The following CCDC91 variants were observed in gnomAD, a reference collection of about 807,000 sequenced individuals.
CCDC91 encodes the protein coiled-coil domain containing 91, also known as coiled-coil domain-containing protein 91.
CCDC91 carries 48 observed loss-of-function variants against 63.2 expected under a neutral mutation model. The observed-to-expected ratio is 0.76, with a 90% confidence interval of 0.60 to 0.97. The LOEUF (loss-of-function observed/expected upper bound fraction) is 0.97. Ranked by LOEUF, CCDC91 falls within the 50% of genes least tolerant of loss-of-function variation. The pLI is 0.00. For synonymous variants in CCDC91, 167 were observed against 165.8 expected (o/e 1.01, Z -0.06); for missense variants, 500 against 494.6 (o/e 1.01, Z -0.10).
chr12:28,374,807 A>C (rs1944843979), intron 7 of CCDC91, among the ~76,000 whole-genome samples: 1 of 152,282 alleles, frequency 6.6e-6, no homozygotes, highest in East Asian at 1.9e-4. Flanking sequence ...CTCTGTGTTC[A>C]TACAACTTTA....
intron 6 of CCDC91, among the ~76,000 whole-genome samples, chr12:28,343,892 T>C (rs1253216820): frequency 1.3e-5 from 2 of 152,252 alleles, no homozygotes; most frequent in East Asian, 3.9e-4. Flanking sequence ...TTTAGGAAAA[T>C]TGACATTACT....
intron 8 of CCDC91, among the ~76,000 whole-genome samples, chr12:28,443,083 A>G (rs544491289): frequency 1.3e-5 from 2 of 152,076 alleles, no homozygotes; most frequent in East Asian, 3.9e-4. Context: ...TTGGAAGGAG[A>G]TGGAAATAGG....
chr12:28,261,725 C>T (rs561124645), intron 3 of CCDC91, among the ~76,000 whole-genome samples: 44 of 152,024 alleles, frequency 2.9e-4, no homozygotes, highest in African/African-American at 9.4e-4. Flanking sequence ...AATTCCTCTT[C>T]TCTAGGAGTG....
chr12:28,407,223 A>G (rs1443011661), intron 8 of CCDC91, among the ~76,000 whole-genome samples: 1 of 152,170 alleles, frequency 6.6e-6, no homozygotes, highest in East Asian at 1.9e-4. Flanking sequence ...CAGCCTGAAG[A>G]ACAGCGAGCC....
intron 1 of CCDC91, among the ~76,000 whole-genome samples, chr12:28,201,234 G>A (rs1591959910): frequency 1.3e-5 from 2 of 148,920 alleles, no homozygotes; most frequent in East Asian, 3.9e-4. Flanking sequence ...TTCTCAGACG[G>A]GGCGGCTGCA....
At chr12:28,216,647 TA>T (rs144953485) in intron 1 of CCDC91, among the ~76,000 whole-genome samples, 466 of 144,870 alleles carry the variant, frequency 3.2e-3, no homozygotes, top group African/African-American at 0.011. Flanking sequence ...TATAGTTATA[TA>T]TTTTTTATTC....
At chr12:28,202,047 T>G (rs1942491885) in intron 1 of CCDC91, among the ~76,000 whole-genome samples, 1 of 152,198 alleles carries the variant, frequency 6.6e-6, no homozygotes, top group South Asian at 2.1e-4. Context: ...ATGTTTCTTC[T>G]CTAGTGAATT....
intron 6 of CCDC91, among the ~76,000 whole-genome samples, chr12:28,360,522 G>C (rs1176026106): frequency 6.6e-6 from 1 of 152,174 alleles, no homozygotes; most frequent in Non-Finnish European, 1.5e-5. Flanking sequence ...GAAGGGGAGT[G>C]TGTGGAAGAT....
Position 28,217,243 on chromosome 12 carries a change from A to G in CCDC91, c.-15+26602A>G, listed in dbSNP as rs1422807524. 4.6e-5 allele frequency among the ~76,000 whole-genome samples: 7 copies of G among 152,210 alleles called. No individual in the cohort carries two copies. The East Asian group carries it at 1.3e-3, about 29-fold the overall frequency. On this transcript the variant is annotated intron_variant, in intron 1 of 12. Transcript: ENST00000536442. ...ATTGAATATGTGTACGTGTAAACAC[A>G]CAGAATATATGTATATGTAAACACA...
At chr12:28,504,335 A>G (rs1270220346) in intron 12 of CCDC91, among the ~76,000 whole-genome samples, 1 of 151,890 alleles carries the variant, frequency 6.6e-6, no homozygotes, top group Non-Finnish European at 1.5e-5. Context: ...GTTCTGTTGC[A>G]CAGATTTTAT....
At chr12:28,358,954 G>T (rs1471125031) in intron 6 of CCDC91, among the ~76,000 whole-genome samples, 1 of 152,140 alleles carries the variant, frequency 6.6e-6, no homozygotes, top group Admixed American at 6.5e-5. Context: ...GGAGTGCAGT[G>T]GCGCGATCTC....
intron 12 of CCDC91, among the ~76,000 whole-genome samples, chr12:28,517,423 T>C (rs1486410355): frequency 1.3e-5 from 2 of 151,956 alleles, no homozygotes; most frequent in East Asian, 3.9e-4. Flanking sequence ...CTTTTCTGTT[T>C]TGTTAAGTAT....
chr12:28,526,688 C>A (rs1238393706), intron 12 of CCDC91, among the ~76,000 whole-genome samples: 2 of 152,160 alleles, frequency 1.3e-5, no homozygotes, highest in East Asian at 3.9e-4. Flanking sequence ...AATTATTCCC[C>A]CAAATATATT....
At chr12:28,497,284 A>T (rs555920345) in intron 12 of CCDC91, among the ~76,000 whole-genome samples, 1 of 151,314 alleles carries the variant, frequency 6.6e-6, no homozygotes, top group Admixed American at 6.6e-5. Context: ...CTATTTTTCA[A>T]CTCTGATTGT....
At chr12:28,307,822 A>C (rs1938903668) in intron 6 of CCDC91, 73 bp downstream of exon 6, 1 of 769,288 alleles carries the variant, frequency 1.3e-6, no homozygotes, top group Non-Finnish European at 2.2e-6. Flanking sequence ...CAAAAAGTGC[A>C]TAATGAATAT....
chr12:28,452,674 A>G lies in CCDC91; in HGVS notation c.1101+20A>G, dbSNP rs757620547. The G allele has an allele frequency of 1.5e-6, 2 of 1,305,704 alleles. No individual in the cohort carries two copies. The highest frequency in any genetic ancestry group is 2.1e-6 in the Non-Finnish European group (2 of 958,920). The allele number at this position is 1,305,704 out of a possible 1,614,324, so 80.9% of individuals were successfully genotyped here. On this transcript the variant is annotated intron_variant, in intron 11 of 12. Coordinates refer to ENST00000536442, the MANE Select transcript of CCDC91 (RefSeq NM_018318.5). Reference sequence around the variant, plus strand: ...AGTCAGGTTAGTAATATTAACTGTTAGTAAATATTTACTTTTTTCTCATTT... The same window carrying G: ...AGTCAGGTTAGTAATATTAACTGTTGGTAAATATTTACTTTTTTCTCATTT...
chr12:28,206,837 A>T (rs1261310575), intron 1 of CCDC91, among the ~76,000 whole-genome samples: 1 of 152,204 alleles, frequency 6.6e-6, no homozygotes, highest in Admixed American at 6.5e-5. Context: ...ATACATTTCT[A>T]ATCATTGCCT....
At chr12:28,410,908 G>C (rs921732063) in intron 8 of CCDC91, among the ~76,000 whole-genome samples, 2 of 151,928 alleles carry the variant, frequency 1.3e-5, no homozygotes, top group Admixed American at 6.6e-5. Context: ...TTTGTTTTCT[G>C]TCTGTTCCTT....
intron 3 of CCDC91, among the ~76,000 whole-genome samples, chr12:28,304,245 C>T (rs12368409): frequency 0.2 from 30,293 of 150,692 alleles, 3,979 homozygotes; most frequent in Non-Finnish European, 0.3. Flanking sequence ...AGCGTGGTGG[C>T]GAGTGCCTGT....
Sources: allele counts gnomAD v4.1 joint callset (sites outside exome capture counted in the v4.1 genomes callset), GRCh38; gene constraint gnomAD v4.1.1; transcripts MANE v1.5; gene names NCBI Gene and HGNC (gene_info 2026-07-23, HGNC 2026-07-21).